TENM2: variants seen among roughly 807,000 people sequenced by gnomAD.
TENM2 encodes the protein teneurin-2.
TENM2 carries 52 observed loss-of-function variants against 245.2 expected under a neutral mutation model. The ratio of observed to expected loss-of-function variants is 0.21; its 90% CI spans 0.17 to 0.27. The LOEUF (loss-of-function observed/expected upper bound fraction) is 0.27, where lower values mean the gene tolerates loss of function less well. TENM2 is among the 10% of genes least tolerant of loss of function. The pLI, the probability that TENM2 is intolerant of heterozygous loss-of-function variation, is 1.00. For synonymous variants in TENM2, 1,363 were observed against 1,438.9 expected (o/e 0.95, Z 1.19); for missense variants, 3,046 against 3,666.8 (o/e 0.83, Z 4.37).
chr5:167,078,976 G>T, the TENM2 span, among the ~76,000 whole-genome samples: 1 of 152,030 alleles, frequency 6.6e-6, no homozygotes, highest in Non-Finnish European at 1.5e-5. Context: ...GGACTCCCTA[G>T]AGAGGGAAAA....
chr5:167,740,818 A>C (rs1035215565), intron 2 of TENM2, among the ~76,000 whole-genome samples: 4 of 152,080 alleles, frequency 2.6e-5, no homozygotes, highest in Non-Finnish European at 4.4e-5. Flanking sequence ...CTCATTTTCA[A>C]ATTCCCTCTT....
intron 2 of TENM2, among the ~76,000 whole-genome samples, chr5:167,506,371 A>G (rs926363995): frequency 6.6e-6 from 1 of 152,314 alleles, no homozygotes; most frequent in African/African-American, 2.4e-5. Context: ...AGATGGCTCT[A>G]TGAATAACAG....
the TENM2 span, among the ~76,000 whole-genome samples, chr5:167,035,671 G>A: frequency 6.6e-6 from 1 of 152,216 alleles, no homozygotes; most frequent in Non-Finnish European, 1.5e-5. Context: ...CCTTCGCAGG[G>A]CTTGTATTCA....
chr5:167,047,243 A>T, the TENM2 span, among the ~76,000 whole-genome samples: 1 of 152,170 alleles, frequency 6.6e-6, no homozygotes, highest in African/African-American at 2.4e-5. Context: ...GTCATCTCTG[A>T]CCTTCATCCC....
intron 25 of TENM2, among the ~76,000 whole-genome samples, chr5:168,230,692 A>C (rs1233455966): frequency 6.6e-6 from 1 of 152,198 alleles, no homozygotes; most frequent in African/African-American, 2.4e-5. Flanking sequence ...ACATGAGGGC[A>C]TGAAAGTTCA....
At chr5:168,142,476 T>A (rs1755642607) in intron 12 of TENM2, among the ~76,000 whole-genome samples, 1 of 152,236 alleles carries the variant, frequency 6.6e-6, no homozygotes, top group Non-Finnish European at 1.5e-5. Context: ...TTCAGCGTTA[T>A]AAAGTTATGT....
chr5:168,116,821 G>A lies in TENM2; in HGVS notation c.1814-1471G>A, dbSNP rs1043349852. ...AAGTGACATGATTAGGTATGCCATCGCTGAGTGGCACAGGGCGCTCACCCG... is the reference window on the plus strand; with the variant it reads ...AAGTGACATGATTAGGTATGCCATCACTGAGTGGCACAGGGCGCTCACCCG... On this transcript the variant is annotated intron_variant, in intron 9 of 28. Transcript: ENST00000518659. 6.6e-5 allele frequency among the ~76,000 whole-genome samples: 10 copies of A among 152,134 alleles called. 1 individual carries two copies. Among genetic ancestry groups the A allele is most frequent in the African/African-American group, 1.4e-4 (6 of 41,418 alleles).
At chr5:167,117,502 C>CAA in the TENM2 span, among the ~76,000 whole-genome samples, 2 of 148,812 alleles carry the variant, frequency 1.3e-5, no homozygotes. Context: ...GACTCCATCT[C>CAA]AAAAAAAAAT....
chr5:167,055,673 G>A, the TENM2 span, among the ~76,000 whole-genome samples: 1 of 152,024 alleles, frequency 6.6e-6, no homozygotes, highest in African/African-American at 2.4e-5. Context: ...CAGTGCTAAT[G>A]TAAATGATAC....
intron 2 of TENM2, among the ~76,000 whole-genome samples, chr5:167,658,980 T>C (rs146459661): frequency 6.6e-6 from 1 of 152,336 alleles, no homozygotes; most frequent in African/African-American, 2.4e-5. Context: ...ATAAAGCCAT[T>C]CTATACATGC....
intron 7 of TENM2, among the ~76,000 whole-genome samples, chr5:168,064,460 C>T (rs1246732821): frequency 2.0e-5 from 3 of 152,120 alleles, no homozygotes; most frequent in Non-Finnish European, 4.4e-5. Flanking sequence ...ATGGAAAAGC[C>T]AATGATCATG....
At chr5:168,106,648 CT>C (rs1274439047) in intron 9 of TENM2, among the ~76,000 whole-genome samples, 2 of 152,168 alleles carry the variant, frequency 1.3e-5, no homozygotes, top group African/African-American at 4.8e-5. Flanking sequence ...GGAATTTTGT[CT>C]TTGCAGGCAG....
chr5:166,981,285 G>A, the TENM2 span, among the ~76,000 whole-genome samples: 2 of 152,136 alleles, frequency 1.3e-5, no homozygotes, highest in Non-Finnish European at 2.9e-5. Flanking sequence ...CCCTTGAGAT[G>A]GCAATATTGC....
At chr5:168,041,424 CT>C in intron 5 of TENM2, among the ~76,000 whole-genome samples, 1 of 152,264 alleles carries the variant, frequency 6.6e-6, no homozygotes, top group Middle Eastern at 3.4e-3. Context: ...CTGCCCGTCC[CT>C]TCACCCACCA....
intron 2 of TENM2, among the ~76,000 whole-genome samples, chr5:167,609,502 A>C (rs1777308817): frequency 6.9e-6 from 1 of 145,008 alleles, no homozygotes; most frequent in Non-Finnish European, 1.5e-5. Context: ...AAAAAAAAAA[A>C]AAAAAAAAAA....
At chr5:167,855,800 AAGG>A (rs1456250021) in intron 2 of TENM2, among the ~76,000 whole-genome samples, 1 of 121,804 alleles carries the variant, frequency 8.2e-6, no homozygotes, top group Non-Finnish European at 1.7e-5. Context: ...GAAGGGAGGA[AAGG>A]AGGGAGGGAA....
At chr5:167,700,973 AG>A (rs1210311126) in intron 2 of TENM2, among the ~76,000 whole-genome samples, 4 of 146,708 alleles carry the variant, frequency 2.7e-5, no homozygotes, top group Non-Finnish European at 3.0e-5. Context: ...AAAAAAAAAA[AG>A]CTAGCAAGTT....
At chr5:168,181,384 T>C (rs1317775333) in intron 13 of TENM2, among the ~76,000 whole-genome samples, 2 of 152,234 alleles carry the variant, frequency 1.3e-5, no homozygotes, top group Non-Finnish European at 2.9e-5. Flanking sequence ...CTGCCTTTGG[T>C]AGCAGAGCCT....
chr5:168,035,432 G>C (rs959969650), intron 5 of TENM2, among the ~76,000 whole-genome samples: 2 of 149,480 alleles, frequency 1.3e-5, no homozygotes, highest in African/African-American at 4.9e-5. Context: ...GGGAGGCGCA[G>C]TTTGCAGTGA....
Sources: allele counts gnomAD v4.1 joint callset (sites outside exome capture counted in the v4.1 genomes callset), GRCh38; gene constraint gnomAD v4.1.1; transcripts MANE v1.5; gene names NCBI Gene and HGNC (gene_info 2026-07-23, HGNC 2026-07-21).